The following GABRG3 variants were observed in gnomAD, a reference collection of about 807,000 sequenced individuals.
GABRG3 encodes the protein gamma-aminobutyric acid type A receptor subunit gamma3.
In GABRG3, 25 loss-of-function variants were observed where a neutral mutation model predicts 48.8. That is an observed-to-expected ratio of 0.51 (90% CI 0.37 to 0.72). GABRG3 has a LOEUF of 0.72. Among genes scored for constraint, GABRG3 ranks in the 30% least tolerant of loss-of-function variants. GABRG3 has a pLI of 0.00. For synonymous variants in GABRG3, 227 were observed against 217.6 expected (o/e 1.04, Z -0.38); for missense variants, 394 against 577.9 (o/e 0.68, Z 3.26).
chr15:27,206,781 A>C (rs558896907), intron 3 of GABRG3, among the ~76,000 whole-genome samples: 35 of 152,280 alleles, frequency 2.3e-4, no homozygotes, highest in South Asian at 6.2e-4. Context: ...TTTTTATTGA[A>C]TGGAACCCTT....
chr15:27,434,384 AC>A (rs1173179940), intron 5 of GABRG3, among the ~76,000 whole-genome samples: 3 of 152,216 alleles, frequency 2.0e-5, no homozygotes, highest in Admixed American at 6.5e-5. Context: ...TTTAACTTAC[AC>A]AAAGAGGTCT....
At chr15:27,112,497 G>A (rs1295125838) in intron 3 of GABRG3, among the ~76,000 whole-genome samples, 1 of 143,226 alleles carries the variant, frequency 7.0e-6, no homozygotes, top group Admixed American at 7.1e-5. Flanking sequence ...TTGGAGTGCT[G>A]TGGTACAATC....
chr15:27,393,638 T>G (rs1455475360), intron 5 of GABRG3, among the ~76,000 whole-genome samples: 2 of 152,190 alleles, frequency 1.3e-5, no homozygotes, highest in African/African-American at 4.8e-5. Flanking sequence ...GGCTTTCCAT[T>G]TACCACCCAC....
chr15:27,074,567 G>C (rs1896880543), intron 3 of GABRG3, among the ~76,000 whole-genome samples: 2 of 151,890 alleles, frequency 1.3e-5, no homozygotes, highest in South Asian at 4.1e-4. Context: ...AGTACCAGGA[G>C]GTGGCTCTAA....
At chr15:27,075,034 A>T (rs191085050) in intron 3 of GABRG3, among the ~76,000 whole-genome samples, 2 of 152,344 alleles carry the variant, frequency 1.3e-5, no homozygotes, top group East Asian at 3.9e-4. Flanking sequence ...ATTTTTATTG[A>T]TACTAATATA....
At chr15:27,483,978 A>C (rs988722716) in intron 6 of GABRG3, among the ~76,000 whole-genome samples, 2 of 151,990 alleles carry the variant, frequency 1.3e-5, no homozygotes, top group Non-Finnish European at 2.9e-5. Flanking sequence ...CTTGCTACCC[A>C]CGCTGGAGTG....
chr15:27,464,397 T>G (rs1889540624), intron 5 of GABRG3, among the ~76,000 whole-genome samples: 2 of 152,234 alleles, frequency 1.3e-5, no homozygotes, highest in South Asian at 4.1e-4. Context: ...CATTGGTACC[T>G]CTTGGGTTAT....
intron 2 of GABRG3, among the ~76,000 whole-genome samples, chr15:27,002,190 C>T (rs913605853): frequency 7.2e-5 from 11 of 152,142 alleles, no homozygotes; most frequent in Non-Finnish European, 1.6e-4. Context: ...CATTGTATAA[C>T]TGTAATACAA....
At chr15:27,002,921 C>A (rs1247615338) in intron 2 of GABRG3, among the ~76,000 whole-genome samples, 2 of 151,804 alleles carry the variant, frequency 1.3e-5, no homozygotes, top group Non-Finnish European at 2.9e-5. Flanking sequence ...GCTACGATTG[C>A]ATCACTGTAT....
At chr15:27,189,967 G>C (rs1330048531) in intron 3 of GABRG3, among the ~76,000 whole-genome samples, 1 of 152,130 alleles carries the variant, frequency 6.6e-6, no homozygotes, top group African/African-American at 2.4e-5. Flanking sequence ...GGCCTTTTCT[G>C]CATCTATTGA....
At position 27,305,127 on chromosome 15, in the gene GABRG3, A is replaced by G. The variant is rs374057991; in HGVS notation, c.271-21682A>G. 3.3e-5 allele frequency among the ~76,000 whole-genome samples: 5 copies of G among 152,002 alleles called. No homozygotes were observed. In the East Asian group the frequency reaches 9.7e-4, roughly 29 times the overall value. ...AACTTTCCATATGGTGTAAGGCAAC[A>G]GTCCAGTATCATTCCAATGTCTCTG... On this transcript the variant is annotated intron_variant, in intron 3 of 9. Coordinates refer to ENST00000615808, the MANE Select transcript of GABRG3 (RefSeq NM_033223.5).
At chr15:27,118,877 GT>G (rs1169698482) in intron 3 of GABRG3, among the ~76,000 whole-genome samples, 1 of 152,144 alleles carries the variant, frequency 6.6e-6, no homozygotes, top group Non-Finnish European at 1.5e-5. Flanking sequence ...TACACCAAAT[GT>G]TGCAACCTAG....
intron 3 of GABRG3, among the ~76,000 whole-genome samples, chr15:27,068,034 A>G (rs776465080): frequency 3.3e-5 from 5 of 152,212 alleles, no homozygotes; most frequent in Non-Finnish European, 5.9e-5. Context: ...GGAGCACATT[A>G]AAAAGAAATA....
intron 3 of GABRG3, among the ~76,000 whole-genome samples, chr15:27,065,500 G>A (rs1214750464): frequency 2.6e-5 from 4 of 152,194 alleles, no homozygotes; most frequent in Non-Finnish European, 5.9e-5. Context: ...CCCCGGAGAA[G>A]CTGCTGTGAG....
chr15:27,464,168 T>A (rs986167864), intron 5 of GABRG3, among the ~76,000 whole-genome samples: 2 of 152,160 alleles, frequency 1.3e-5, no homozygotes, highest in African/African-American at 4.8e-5. Flanking sequence ...TGGTGTTTAG[T>A]ATATTCACAG....
At chr15:27,262,610 G>C (rs1890800659) in intron 3 of GABRG3, among the ~76,000 whole-genome samples, 1 of 152,210 alleles carries the variant, frequency 6.6e-6, no homozygotes, top group African/African-American at 2.4e-5. Context: ...TCCTTACCTG[G>C]TGTAGATATT....
At chr15:27,357,612 G>C (rs1894884183) in intron 5 of GABRG3, among the ~76,000 whole-genome samples, 1 of 152,168 alleles carries the variant, frequency 6.6e-6, no homozygotes, top group Non-Finnish European at 1.5e-5. Context: ...TAAGGACAGT[G>C]ACATTGTTTT....
intron 3 of GABRG3, among the ~76,000 whole-genome samples, chr15:27,028,087 T>C (rs1640593977): frequency 1.3e-5 from 2 of 152,204 alleles, no homozygotes; most frequent in South Asian, 2.1e-4. Context: ...GTGCCTCGTG[T>C]TAGGCTTTGT....
At chr15:27,014,967 C>A (rs1200859936) in intron 2 of GABRG3, among the ~76,000 whole-genome samples, 3 of 152,122 alleles carry the variant, frequency 2.0e-5, no homozygotes, top group Non-Finnish European at 2.9e-5. Flanking sequence ...TGTATATATA[C>A]TTATGGTTGT....
Sources: gnomAD v4.1 joint callset for allele counts (sites outside exome capture counted in the v4.1 genomes callset) on GRCh38, gnomAD v4.1.1 for gene constraint, MANE v1.5 for transcripts, NCBI Gene and HGNC (gene_info 2026-07-23, HGNC 2026-07-21) for gene names.